Variants in VGLL4 observed in about 807,000 individuals in gnomAD.
VGLL4 encodes the protein vestigial like family member 4.
In VGLL4, 7 loss-of-function variants were observed where a neutral mutation model predicts 21.0. The ratio of observed to expected loss-of-function variants is 0.33; its 90% CI spans 0.19 to 0.63. The LOEUF (loss-of-function observed/expected upper bound fraction) is 0.63. VGLL4 is among the 20% of genes least tolerant of loss of function. The pLI, the probability that VGLL4 is intolerant of heterozygous loss-of-function variation, is 0.78. For synonymous variants in VGLL4, 222 were observed against 173.2 expected, an observed-to-expected ratio of 1.28 and a Z score of -2.21; for missense variants, 394 against 425.7, an observed-to-expected ratio of 0.93 and a Z score of 0.66.
At chr3:11,686,759 G>C (rs1046272252) in intron 2 of VGLL4, among the ~76,000 whole-genome samples, 2 of 152,034 alleles carry the variant, frequency 1.3e-5, no homozygotes, top group Admixed American at 6.6e-5. Context: ...TATACCTCAC[G>C]TGTATACATG....
At chr3:11,600,901 T>C (rs1459317089) in intron 2 of VGLL4, among the ~76,000 whole-genome samples, 2 of 152,160 alleles carry the variant, frequency 1.3e-5, no homozygotes, top group African/African-American at 4.8e-5. Flanking sequence ...CACACAAAGC[T>C]ACTCCCTCCA....
chr3:11,679,968 C>T (rs1220993257), intron 2 of VGLL4, among the ~76,000 whole-genome samples: 1 of 152,198 alleles, frequency 6.6e-6, no homozygotes, highest in Non-Finnish European at 1.5e-5. Context: ...ACTCACTACT[C>T]ACCCAGTGCA....
intron 2 of VGLL4, among the ~76,000 whole-genome samples, chr3:11,580,465 A>C (rs934273029): frequency 1.3e-5 from 2 of 152,206 alleles, no homozygotes; most frequent in Admixed American, 6.5e-5. Flanking sequence ...TGGGTGTGCA[A>C]GTATCCGTTC....
At chr3:11,720,053 G>C (rs1333926446) in intron 1 of VGLL4, among the ~76,000 whole-genome samples, 1 of 151,756 alleles carries the variant, frequency 6.6e-6, no homozygotes, top group Non-Finnish European at 1.5e-5. Context: ...CGCTCCCCAC[G>C]CGCGCACAGT....
At chr3:11,647,551 C>G (rs1056049444), upstream of VGLL4, among the ~76,000 whole-genome samples, 1 of 152,114 alleles carries the variant, frequency 6.6e-6, no homozygotes, top group African/African-American at 2.4e-5. Context: ...ATTTTAAAGT[C>G]TGAAATCTGA....
At chr3:11,650,081 C>T (rs958217639) in intron 2 of VGLL4, among the ~76,000 whole-genome samples, 1 of 152,076 alleles carries the variant, frequency 6.6e-6, no homozygotes, top group Non-Finnish European at 1.5e-5. Context: ...TGCATGCCAC[C>T]GTGTCTGGCT....
chr3:11,675,280 C>T (rs1247339391), intron 2 of VGLL4, among the ~76,000 whole-genome samples: 2 of 151,956 alleles, frequency 1.3e-5, no homozygotes, highest in East Asian at 1.9e-4. Context: ...GAGCAGAGGG[C>T]GCAGTGAGCC....
At chr3:11,704,381 C>G (rs2076727866) in intron 1 of VGLL4, among the ~76,000 whole-genome samples, 1 of 34,006 alleles carries the variant, frequency 2.9e-5, no homozygotes, top group Admixed American at 4.3e-4. Flanking sequence ...GAAACTCCGT[C>G]TCAAAAAAAA....
intron 2 of VGLL4, among the ~76,000 whole-genome samples, chr3:11,569,186 G>A (rs766696110): frequency 3.3e-5 from 5 of 152,162 alleles, no homozygotes; most frequent in African/African-American, 4.8e-5. Flanking sequence ...TCCAACAAAC[G>A]TGCTTTGGGA....
Position 11,643,570 on chromosome 3 carries a change from A to G in VGLL4, c.-52T>C. ...TCTTTGCTTTTGCCCCAAAAGAGTT[A>G]AGTTTCAAAAATCAATTGTTGCTGA... is the stretch of plus-strand genomic sequence containing the variant. On this transcript the variant is annotated 5_prime_UTR_variant, in exon 1 of 5. Coordinates refer to ENST00000430365, the MANE Select transcript of VGLL4 (RefSeq NM_001128219.3). The G allele has an allele frequency of 6.2e-7, 1 of 1,612,134 alleles. No homozygotes were observed. Among genetic ancestry groups the G allele is most frequent in the Non-Finnish European group, 8.5e-7 (1 of 1,179,364 alleles).
intron 2 of VGLL4, among the ~76,000 whole-genome samples, chr3:11,688,348 C>T (rs1054857025): frequency 1.1e-4 from 16 of 152,164 alleles, no homozygotes; most frequent in African/African-American, 3.9e-4. Flanking sequence ...ATAGGGAAAT[C>T]TGTTTCTTTA....
At position 11,674,032 on chromosome 3, in the gene VGLL4, A is replaced by G. The variant is rs974491426; in HGVS notation, c.64+28939T>C. ...GTCTCAAAAAAAAAAAAAAAAAAAA[A>G]AAAAAGAAATCAGAATGGTTTCACA... On this transcript the variant is annotated intron_variant, in intron 2 of 5. Coordinates refer to the VGLL4 transcript ENST00000273038. 1.5e-4 allele frequency among the ~76,000 whole-genome samples: 22 copies of G among 151,560 alleles called. 1 individual carries two copies. The highest frequency in any genetic ancestry group is 4.3e-4 in the African/African-American group (18 of 41,434).
intron 1 of VGLL4, chr3:11,626,214 G>A (rs2075349760): frequency 7.9e-6 from 3 of 379,376 alleles, no homozygotes. Context: ...TCAAGCAACT[G>A]TCACAACTGC....
In VGLL4 at chr3:11,556,982, C is replaced by T. The variant is rs1035891158; in HGVS notation, c.*1574G>A. ...TCACCCAGTGCCAATTTCCAAAATT[C>T]AACAGCTAAAAACTGTAAAACCGGG... On this transcript the variant is annotated 3_prime_UTR_variant, in exon 5 of 5. Coordinates refer to ENST00000430365, the MANE Select transcript of VGLL4 (RefSeq NM_001128219.3). The T allele has an allele frequency of 1.3e-5, 2 of 152,624 alleles. No homozygotes were observed. Among genetic ancestry groups the T allele is most frequent in the Non-Finnish European group, 2.9e-5 (2 of 68,036 alleles). The allele number at this position is 152,624 out of a possible 1,614,324, so 9.5% of individuals were successfully genotyped here. A position where few individuals can be genotyped will look rare whatever the true frequency, so the allele number is the denominator to read the frequency against.
At chr3:11,671,873 AG>A (rs2076222539) in intron 2 of VGLL4, among the ~76,000 whole-genome samples, 1 of 152,342 alleles carries the variant, frequency 6.6e-6, no homozygotes, top group Middle Eastern at 3.4e-3. Context: ...CTAAAATTCT[AG>A]CCAAAATGCT....
intron 2 of VGLL4, among the ~76,000 whole-genome samples, chr3:11,681,816 A>T (rs1226532572): frequency 6.6e-6 from 1 of 152,224 alleles, no homozygotes; most frequent in Non-Finnish European, 1.5e-5. Flanking sequence ...AGATTCGAGA[A>T]GGGCGTTTCA....
In VGLL4 at chr3:11,719,907, G is replaced by A. The variant is rs2076970320; in HGVS notation, c.-14+487C>T. 6.6e-6 allele frequency among the ~76,000 whole-genome samples: 1 copy of A among 152,118 alleles called. No individual in the cohort carries two copies. The highest frequency in any genetic ancestry group is 2.4e-5 in the African/African-American group (1 of 41,458). On this transcript the variant is annotated intron_variant, in intron 1 of 5. Transcript: ENST00000273038. This position sits in a 1 kb window ranked among gnomAD's most constrained non-coding sequence, Gnocchi z 4.0. The stretch of plus-strand genomic sequence containing the variant: ...CTCCCGAGAGGCGCCAGCGGGCAGG[G>A]CGAGTGGACATGGCGCACACTGCTG...
In VGLL4 at chr3:11,719,814, C is replaced by T. The variant is rs902343367; in HGVS notation, c.-14+580G>A. On this transcript the variant is annotated intron_variant, in intron 1 of 5. Coordinates refer to the VGLL4 transcript ENST00000273038. This position sits in a 1 kb window ranked among gnomAD's most constrained non-coding sequence, Gnocchi z 4.0. Reference sequence around the variant, plus strand: ...TTCCCTCCCCCGCCAGCTGCGCGCCCGGTGCCAGCTCGCACCTCCCGGGCC... The same window carrying T: ...TTCCCTCCCCCGCCAGCTGCGCGCCTGGTGCCAGCTCGCACCTCCCGGGCC... Among the ~76,000 whole-genome samples, 2 of 152,120 alleles carry T rather than the reference C, an allele frequency of 1.3e-5. No individual in the cohort carries two copies. Among genetic ancestry groups the T allele is most frequent in the East Asian group, 3.9e-4 (2 of 5,158 alleles).
chr3:11,682,793 T>G (rs1393323275), intron 2 of VGLL4, among the ~76,000 whole-genome samples: 1 of 152,062 alleles, frequency 6.6e-6, no homozygotes, highest in Non-Finnish European at 1.5e-5. Flanking sequence ...TCAGGAATCT[T>G]GCAAAGGGAA....
Sources: gnomAD v4.1 joint callset for allele counts (sites outside exome capture counted in the v4.1 genomes callset) on GRCh38, gnomAD v4.1.1 for gene constraint, Gnocchi (gnomAD v3.1) non-coding constraint, MANE v1.5 for transcripts, NCBI Gene and HGNC (gene_info 2026-07-23, HGNC 2026-07-21) for gene names.